The following PPM1L variants were observed in gnomAD, a reference collection of about 807,000 sequenced individuals.
PPM1L encodes the protein protein phosphatase 1L.
A neutral mutation model predicts 31.4 loss-of-function variants in PPM1L; 13 were observed. The ratio of observed to expected loss-of-function variants is 0.41; its 90% CI spans 0.27 to 0.66. The LOEUF (loss-of-function observed/expected upper bound fraction) is 0.66, where lower values mean the gene tolerates loss of function less well. Among genes scored for constraint, PPM1L ranks in the 30% least tolerant of loss-of-function variants. PPM1L has a pLI of 0.29. For synonymous variants in PPM1L, 184 were observed against 175.4 expected (o/e 1.05, Z -0.39); for missense variants, 326 against 453.7 (o/e 0.72, Z 2.56).
At chr3:161,009,819 T>G (rs1052681592) in intron 2 of PPM1L, among the ~76,000 whole-genome samples, 2 of 152,210 alleles carry the variant, frequency 1.3e-5, no homozygotes, top group Non-Finnish European at 2.9e-5. Flanking sequence ...TCTTCTGTAC[T>G]TTAAAACCAA....
At chr3:161,037,885 G>A (rs1464578769) in intron 2 of PPM1L, among the ~76,000 whole-genome samples, 1 of 152,078 alleles carries the variant, frequency 6.6e-6, no homozygotes, top group South Asian at 2.1e-4. Flanking sequence ...TATGTTGAAT[G>A]AATCTATCTT....
intron 1 of PPM1L, among the ~76,000 whole-genome samples, chr3:160,853,571 A>G (rs1037490934): frequency 6.6e-6 from 1 of 152,202 alleles, no homozygotes; most frequent in Non-Finnish European, 1.5e-5. Context: ...GTCAACTATA[A>G]AAGTATAAAA....
intron 1 of PPM1L, among the ~76,000 whole-genome samples, chr3:160,765,923 T>A (rs1248827680): frequency 6.6e-6 from 1 of 152,224 alleles, no homozygotes; most frequent in Admixed American, 6.5e-5. Flanking sequence ...TGAGTTGGTA[T>A]GTTTAGTTTG....
intron 1 of PPM1L, among the ~76,000 whole-genome samples, chr3:160,767,643 T>A (rs116314961): frequency 0.017 from 2,520 of 152,310 alleles, 67 homozygotes; most frequent in African/African-American, 0.057. Flanking sequence ...TTCAACATTA[T>A]TGTTGCAAAT....
intron 1 of PPM1L, among the ~76,000 whole-genome samples, chr3:160,787,816 A>G (rs111962418): frequency 0.017 from 2,584 of 152,210 alleles, 68 homozygotes; most frequent in African/African-American, 0.059. Context: ...CTTCTGCATA[A>G]AGCTAGCCAG....
At chr3:160,924,333 A>G (rs970913883) in intron 1 of PPM1L, among the ~76,000 whole-genome samples, 7 of 152,200 alleles carry the variant, frequency 4.6e-5, no homozygotes, top group Non-Finnish European at 2.9e-5. Flanking sequence ...AGTGTGGGTA[A>G]TAGTTAAATA....
In PPM1L at chr3:160,973,764, G is replaced by GTTT. The variant is rs75599237; in HGVS notation, c.574+11881_574+11883dup. Among the ~76,000 whole-genome samples the GTTT allele has an allele frequency of 8.8e-4, 78 of 88,450 alleles. 2 individuals carry two copies. Among genetic ancestry groups the GTTT allele is most frequent in the African/African-American group, 2.1e-3 (57 of 27,596 alleles). 58.0% of individuals were successfully genotyped at this position (88,450 alleles called of 152,430 possible). On this transcript the variant is annotated intron_variant, in intron 2 of 3. Transcript: ENST00000498165. ...GGTAAATTGCCTTCTGAAAGGCCCT[G>GTTT]TTTTTTTTTTTTTTTTTTTTTTTTT...
At chr3:160,839,926 T>C (rs539889683) in intron 1 of PPM1L, among the ~76,000 whole-genome samples, 5 of 152,318 alleles carry the variant, frequency 3.3e-5, no homozygotes, top group Admixed American at 2.0e-4. Flanking sequence ...GCATTTTTCC[T>C]ATTTGAATTT....
chr3:160,852,674 C>G (rs1401512546), intron 1 of PPM1L, among the ~76,000 whole-genome samples: 1 of 152,136 alleles, frequency 6.6e-6, no homozygotes, highest in Non-Finnish European at 1.5e-5. Context: ...CTGGAAGGGT[C>G]AACTTTTCAA....
At chr3:160,785,794 G>A (rs544904525) in intron 1 of PPM1L, among the ~76,000 whole-genome samples, 3 of 139,286 alleles carry the variant, frequency 2.2e-5, no homozygotes, top group African/African-American at 8.0e-5. Context: ...ATTTTTGTTT[G>A]TTCCCTTCAT....
chr3:161,057,065 A>G (rs1719433766), intron 2 of PPM1L, among the ~76,000 whole-genome samples: 1 of 152,050 alleles, frequency 6.6e-6, no homozygotes, highest in Non-Finnish European at 1.5e-5. Context: ...TCCATCTCAA[A>G]AAAATAAAAA....
At chr3:160,933,857 A>C (rs1410581400) in intron 1 of PPM1L, among the ~76,000 whole-genome samples, 1 of 152,238 alleles carries the variant, frequency 6.6e-6, no homozygotes, top group African/African-American at 2.4e-5. Context: ...TGTATTTGTG[A>C]ATTTAAAATG....
intron 1 of PPM1L, among the ~76,000 whole-genome samples, chr3:160,845,189 T>G (rs1390524311): frequency 6.6e-6 from 1 of 152,144 alleles, no homozygotes; most frequent in African/African-American, 2.4e-5. Context: ...TTTTGGCTAC[T>G]ATGAATAATG....
intron 1 of PPM1L, among the ~76,000 whole-genome samples, chr3:160,934,440 G>A (rs1171677831): frequency 6.6e-6 from 1 of 152,022 alleles, no homozygotes; most frequent in East Asian, 1.9e-4. Flanking sequence ...CCAACATTAT[G>A]TTATAATGAA....
chr3:160,758,098 C>G (rs1207201287), intron 1 of PPM1L, among the ~76,000 whole-genome samples: 1 of 152,238 alleles, frequency 6.6e-6, no homozygotes, highest in Non-Finnish European at 1.5e-5. Flanking sequence ...TTTCCATCCA[C>G]TCTAGCTTTT....
chr3:161,032,822 A>G (rs1718613582), intron 2 of PPM1L, among the ~76,000 whole-genome samples: 1 of 149,926 alleles, frequency 6.7e-6, no homozygotes, highest in Admixed American at 6.6e-5. Context: ...CCTCCTGAGT[A>G]GCTGGGATTA....
chr3:160,932,169 G>A (rs1252159206), intron 1 of PPM1L, among the ~76,000 whole-genome samples: 1 of 152,112 alleles, frequency 6.6e-6, no homozygotes, highest in African/African-American at 2.4e-5. Flanking sequence ...ATGGTTTTGA[G>A]CATGTTATGA....
intron 1 of PPM1L, among the ~76,000 whole-genome samples, chr3:160,865,816 C>A (rs545181745): frequency 2.0e-4 from 31 of 152,258 alleles, no homozygotes; most frequent in Admixed American, 1.6e-3. Flanking sequence ...GGTCTTTTAG[C>A]AGAATTTTCA....
rs571432455 is a variant in PPM1L, at chr3:160,851,696, A to G, written c.399+94989A>G. Among the ~76,000 whole-genome samples, 11 of 152,274 alleles carry G rather than the reference A, an allele frequency of 7.2e-5. No homozygotes were observed. The South Asian group carries it at 1.9e-3, about 26-fold the overall frequency. On this transcript the variant is annotated intron_variant, in intron 1 of 3. Coordinates refer to ENST00000498165, the MANE Select transcript of PPM1L (RefSeq NM_139245.4). ...ACCGAGAGTATGCCTTGAGTAAAGC[A>G]CTTAGTAGGGGCATTAGTTATCTAG...
Sources: allele counts gnomAD v4.1 joint callset (sites outside exome capture counted in the v4.1 genomes callset), GRCh38; gene constraint gnomAD v4.1.1; transcripts MANE v1.5; gene names NCBI Gene and HGNC (gene_info 2026-07-23, HGNC 2026-07-21).